The following INTS9 variants were observed in gnomAD, a reference collection of about 807,000 sequenced individuals.
INTS9 encodes protein related to CPSF subunits of 74 kDa.
Under a neutral mutation model 79.7 loss-of-function variants are expected in INTS9, and 55 were observed. That is an observed-to-expected ratio of 0.69 (90% CI 0.56 to 0.86). The LOEUF is 0.86. Ranked by LOEUF, INTS9 falls within the 40% of genes least tolerant of loss-of-function variation. INTS9 has a pLI of 0.00. For synonymous variants in INTS9, 319 were observed against 325.2 expected, an observed-to-expected ratio of 0.98 and a Z score of 0.20; for missense variants, 721 against 831.5, an observed-to-expected ratio of 0.87 and a Z score of 1.64.
At chr8:28,866,702 C>T (rs766699835) in intron 1 of INTS9, among the ~76,000 whole-genome samples, 7 of 152,180 alleles carry the variant, frequency 4.6e-5, no homozygotes, top group Non-Finnish European at 1.0e-4. Flanking sequence ...GCTGGCCAGG[C>T]GTGGTGGCTC....
chr8:28,771,320 G>A (rs555504127), intron 14 of INTS9, among the ~76,000 whole-genome samples: 1 of 152,176 alleles, frequency 6.6e-6, no homozygotes, highest in East Asian at 1.9e-4. Context: ...GTGGCAGGAA[G>A]GACGGGGACA....
chr8:28,820,015 C>T (rs1370826976), intron 6 of INTS9, among the ~76,000 whole-genome samples: 3 of 152,172 alleles, frequency 2.0e-5, no homozygotes, highest in Non-Finnish European at 2.9e-5. Flanking sequence ...GTAGATCTTC[C>T]TCCATCCTTT....
At chr8:28,874,456 AT>A (rs1809266803) in intron 1 of INTS9, among the ~76,000 whole-genome samples, 1 of 151,398 alleles carries the variant, frequency 6.6e-6, no homozygotes, top group South Asian at 2.1e-4. Context: ...TGCCCGGCTA[AT>A]TTTTTGTATT....
intron 8 of INTS9, among the ~76,000 whole-genome samples, chr8:28,804,609 G>T (rs1804702726): frequency 6.6e-6 from 1 of 152,168 alleles, no homozygotes. Context: ...AATGCCTGAA[G>T]CAGTGGTATG....
rs1455305492 is a variant in INTS9 at position 28,788,284 on chromosome 8, T to G, written c.1038-395A>C. ...CAATCAACTAAACTCCAGACTTCAT[T>G]CAGATTTCACTAGTTTTTCCAATCA... On this transcript the variant is annotated intron_variant, in intron 10 of 16. Coordinates refer to ENST00000521022, the MANE Select transcript of INTS9 (RefSeq NM_018250.4). 2.0e-5 allele frequency among the ~76,000 whole-genome samples: 3 copies of G among 152,188 alleles called. No homozygotes were observed. In the South Asian group the frequency reaches 6.2e-4, roughly 32 times the overall value.
chr8:28,882,673 T>A (rs2131388296), intron 1 of INTS9, among the ~76,000 whole-genome samples: 1 of 151,974 alleles, frequency 6.6e-6, no homozygotes, highest in East Asian at 1.9e-4. Flanking sequence ...TTCATAAACA[T>A]CAGTGATGAG....
intron 4 of INTS9, among the ~76,000 whole-genome samples, chr8:28,840,715 TCTC>T (rs949339039): frequency 2.1e-5 from 3 of 143,870 alleles, no homozygotes; most frequent in African/African-American, 7.8e-5. Context: ...CACCGCATAT[TCTC>T]ACTCATAGGT....
intron 6 of INTS9, among the ~76,000 whole-genome samples, chr8:28,832,369 G>A (rs1354673184): frequency 6.6e-6 from 1 of 152,306 alleles, no homozygotes; most frequent in Non-Finnish European, 1.5e-5. Context: ...GTGAAGCCAC[G>A]CCCACACCAT....
At chr8:28,779,260 C>T (rs187254098) in intron 12 of INTS9, among the ~76,000 whole-genome samples, 5 of 152,244 alleles carry the variant, frequency 3.3e-5, no homozygotes, top group Middle Eastern at 3.4e-3. Context: ...ATCTTGTGGC[C>T]CAACTTCCTC....
At chr8:28,885,121 C>G (rs894431823) in intron 1 of INTS9, among the ~76,000 whole-genome samples, 1 of 152,200 alleles carries the variant, frequency 6.6e-6, no homozygotes, top group African/African-American at 2.4e-5. Context: ...CATCTGTTTT[C>G]CCAGGAGAAA....
chr8:28,795,381 C>CCTG (rs1804147368), intron 9 of INTS9, among the ~76,000 whole-genome samples: 1 of 152,106 alleles, frequency 6.6e-6, no homozygotes, highest in African/African-American at 2.4e-5. Context: ...GTGGCTCACA[C>CCTG]CTGTAATCCC....
chr8:28,840,475 A>C (rs1328777126), intron 4 of INTS9, among the ~76,000 whole-genome samples: 332 of 142,414 alleles, frequency 2.3e-3, no homozygotes, highest in African/African-American at 8.3e-3. Context: ...TCATGCTGCT[A>C]TAAAGACACA....
intron 6 of INTS9, among the ~76,000 whole-genome samples, chr8:28,820,219 C>T (rs965421513): frequency 4.6e-4 from 70 of 152,258 alleles, no homozygotes; most frequent in African/African-American, 1.6e-3. Context: ...TTATTTTGCT[C>T]GTTAGTTGAT....
At chr8:28,871,765 G>A (rs1456028453) in intron 1 of INTS9, among the ~76,000 whole-genome samples, 1 of 152,098 alleles carries the variant, frequency 6.6e-6, no homozygotes, top group Non-Finnish European at 1.5e-5. Flanking sequence ...AATACTGATA[G>A]ACTAGATTAC....
At chr8:28,781,237 C>T (rs764232594) in intron 11 of INTS9, among the ~76,000 whole-genome samples, 4 of 152,142 alleles carry the variant, frequency 2.6e-5, no homozygotes, top group Non-Finnish European at 4.4e-5. Flanking sequence ...AAAACCTGAA[C>T]AGACACCTCA....
At chr8:28,881,311 G>T (rs1809775414) in intron 1 of INTS9, among the ~76,000 whole-genome samples, 2 of 138,342 alleles carry the variant, frequency 1.4e-5, no homozygotes, top group Non-Finnish European at 3.1e-5. Context: ...GGGGGGATCA[G>T]CCCCCCGCCT....
At chr8:28,769,755 C>T in intron 16 of INTS9, 134 bp downstream of exon 16, 2 of 1,200,122 alleles carry the variant, frequency 1.7e-6, no homozygotes, top group South Asian at 3.0e-5. Flanking sequence ...GACCTTAGAC[C>T]AAACAGATGC....
At chr8:28,776,004 A>C in intron 13 of INTS9, 78 bp from the exon 14 acceptor site, 9 of 1,166,482 alleles carry the variant, frequency 7.7e-6, no homozygotes, top group Non-Finnish European at 1.0e-5. Flanking sequence ...CCTGACCCCG[A>C]TCCACTCCCC....
rs1171964433 is a variant in INTS9 at position 28,798,952 on chromosome 8, AAG to A, written c.745-2299_745-2298del. 2.6e-5 allele frequency among the ~76,000 whole-genome samples: 4 copies of A among 152,310 alleles called. No homozygotes were observed. The East Asian group carries it at 7.7e-4, about 29-fold the overall frequency. ...TGCGCTTTAGCCTGGGTGGCAGTGC[AAG>A]ACTCTCTCCCTCTCAAATAAAACAA... On this transcript the variant is annotated intron_variant, in intron 8 of 16. Transcript: ENST00000521022.
Sources: gnomAD v4.1 joint callset for allele counts (sites outside exome capture counted in the v4.1 genomes callset) on GRCh38, gnomAD v4.1.1 for gene constraint, MANE v1.5 for transcripts, NCBI Gene and HGNC (gene_info 2026-07-23, HGNC 2026-07-21) for gene names.